Variants in ZNF560 observed in about 807,000 individuals in gnomAD.
ZNF560 encodes the protein zinc finger protein 560.
A neutral mutation model predicts 81.8 loss-of-function variants in ZNF560; 54 were observed. The ratio of observed to expected loss-of-function variants is 0.66; its 90% CI spans 0.53 to 0.83. The LOEUF is 0.83. ZNF560 is among the 40% of genes least tolerant of loss of function. ZNF560 has a pLI of 0.00. For missense variants in ZNF560, 940 were observed against 932.4 expected (o/e 1.01, Z -0.11); for synonymous variants, 321 against 317.9 (o/e 1.01, Z -0.10).
At chr19:9,499,597 A>G (rs2073615000), upstream of ZNF560, among the ~76,000 whole-genome samples, 1 of 152,194 alleles carries the variant, frequency 6.6e-6, no homozygotes, top group South Asian at 2.1e-4. Context: ...ATGAAATAAC[A>G]CTGATACCAG....
chr19:9,489,036 A>G (rs940046245), intron 2 of ZNF560, among the ~76,000 whole-genome samples: 1 of 152,224 alleles, frequency 6.6e-6, no homozygotes, highest in African/African-American at 2.4e-5. Flanking sequence ...CAGAGGCAGA[A>G]GTCACTATGC....
chr19:9,475,531 T>A (rs1267425008), intron 2 of ZNF560, among the ~76,000 whole-genome samples, 162 bp from the exon 3 acceptor site: 5 of 151,884 alleles, frequency 3.3e-5, no homozygotes, highest in Non-Finnish European at 7.4e-5. Flanking sequence ...CTGTCTAACC[T>A]AGAGCAAGAA....
rs1230047629 is a variant in ZNF560, at chr19:9,466,941, CA to C, written c.2005del (p.Cys669ValfsTer3). On this transcript the variant is annotated frameshift_variant, in exon 10 of 10. Transcript: ENST00000301480. LOFTEE classifies it high-confidence loss of function. ...AGTTTTTAAGTGTTGAGTTAGTACA[CA>C]AGACCTACTGTAAGCTTTTTCACAT... The part of the protein sequence containing the change: ...NACEKAYSRS[C>X]VLTQHLKTHA... The C allele has an allele frequency of 2.7e-5, 43 of 1,614,086 alleles. No individual in the cohort carries two copies. Among genetic ancestry groups the C allele is most frequent in the Non-Finnish European group, 3.6e-5 (42 of 1,180,018 alleles).
At chr19:9,460,771 G>A in the ZNF560 span, among the ~76,000 whole-genome samples, 1 of 152,122 alleles carries the variant, frequency 6.6e-6, no homozygotes. Flanking sequence ...AAACCTATTT[G>A]TAAACAGGAT....
At chr19:9,498,024 T>C (rs1229175149) in intron 2 of ZNF560, 104 bp downstream of exon 2, 1 of 152,146 alleles carries the variant, frequency 6.6e-6, no homozygotes, top group Non-Finnish European at 1.5e-5. Flanking sequence ...ATAAAAAATA[T>C]ACAGGTTTCA....
At chr19:9,449,687 G>C in the ZNF560 span, among the ~76,000 whole-genome samples, 5 of 152,148 alleles carry the variant, frequency 3.3e-5, no homozygotes, top group Non-Finnish European at 7.4e-5. Context: ...GAACTGAAAA[G>C]GCTGGGCACA....
chr19:9,498,737 T>A (rs1343954871), upstream of ZNF560: 1 of 152,302 alleles, frequency 6.6e-6, no homozygotes, highest in Non-Finnish European at 1.5e-5. Flanking sequence ...TGCGGAGGTA[T>A]CAAGGGGTCG....
upstream of ZNF560, among the ~76,000 whole-genome samples, chr19:9,499,280 T>TC (rs2073611108): frequency 6.6e-6 from 1 of 152,082 alleles, no homozygotes; most frequent in Admixed American, 6.6e-5. Context: ...GCTCAAGCCA[T>TC]CCTTCCACCT....
At chr19:9,482,076 A>G (rs1353169668) in intron 2 of ZNF560, among the ~76,000 whole-genome samples, 2 of 152,230 alleles carry the variant, frequency 1.3e-5, no homozygotes, top group African/African-American at 4.8e-5. Context: ...CATATACACA[A>G]TGGAATACTA....
chr19:9,468,571 A>T (rs1306296630), intron 9 of ZNF560, among the ~76,000 whole-genome samples: 3 of 152,200 alleles, frequency 2.0e-5, no homozygotes. Flanking sequence ...TTAAAAACTC[A>T]AATGTCTAGT....
chr19:9,500,321 G>A (rs1054405642), upstream of ZNF560, among the ~76,000 whole-genome samples: 1 of 145,342 alleles, frequency 6.9e-6, no homozygotes, highest in African/African-American at 2.5e-5. Context: ...GGAGGCGGAG[G>A]TTACGGAGTT....
At chr19:9,499,461 GGATTACAGGCGT>G (rs2073613315), upstream of ZNF560, among the ~76,000 whole-genome samples, 3 of 152,276 alleles carry the variant, frequency 2.0e-5, no homozygotes, top group East Asian at 3.9e-4. Flanking sequence ...TCCCGAAGTG[GGATTACAGGCGT>G]GAGCCATCAT....
At chr19:9,474,930 C>A (rs940200577) in intron 3 of ZNF560, among the ~76,000 whole-genome samples, 4 of 150,134 alleles carry the variant, frequency 2.7e-5, no homozygotes, top group African/African-American at 9.8e-5. Context: ...TTCTCAGCCT[C>A]CCAAAGTGCT....
Position 9,475,374 on chromosome 19 carries a change from A to G in ZNF560, c.-56-5T>C. On this transcript the variant is annotated splice_polypyrimidine_tract_variant and splice_region_variant and intron_variant, in intron 2 of 9. Coordinates refer to ENST00000301480, the MANE Select transcript of ZNF560 (RefSeq NM_152476.3). ...AGATTGGGTTCCTAGAAAGACCTGG[A>G]AAAGAAAGAAGGCATAAGAGCCCAG... 2.6e-6 allele frequency: 4 copies of G among 1,564,562 alleles called. No individual in the cohort carries two copies. In the South Asian group the frequency reaches 4.5e-5, roughly 18 times the overall value.
intron 2 of ZNF560, among the ~76,000 whole-genome samples, chr19:9,487,741 C>T (rs563481014): frequency 1.3e-5 from 2 of 152,242 alleles, no homozygotes; most frequent in South Asian, 4.2e-4. Flanking sequence ...AGGGGAGGGC[C>T]AACAGAAGAA....
chr19:9,478,213 T>C (rs1392225338), intron 2 of ZNF560, among the ~76,000 whole-genome samples: 1 of 152,140 alleles, frequency 6.6e-6, no homozygotes, highest in Admixed American at 6.5e-5. Context: ...CCAAAGACCT[T>C]ACAGGCCAGG....
At chr19:9,471,462 C>G in intron 5 of ZNF560, 84 bp from the exon 6 acceptor site, 3 of 837,586 alleles carry the variant, frequency 3.6e-6, no homozygotes, top group Non-Finnish European at 5.2e-6. Context: ...AGGCCTCATT[C>G]ATATTTGTTT....
chr19:9,460,488 T>A, the ZNF560 span, among the ~76,000 whole-genome samples: 1 of 152,144 alleles, frequency 6.6e-6, no homozygotes, highest in Non-Finnish European at 1.5e-5. Flanking sequence ...CCAGTGGAGG[T>A]ATACACTAAT....
chr19:9,490,952 A>C (rs1056050863), intron 2 of ZNF560, among the ~76,000 whole-genome samples: 23 of 152,236 alleles, frequency 1.5e-4, no homozygotes, highest in African/African-American at 5.5e-4. Flanking sequence ...AATAGTCTTC[A>C]GAGGTTTTGC....
Sources: allele counts gnomAD v4.1 joint callset (sites outside exome capture counted in the v4.1 genomes callset), GRCh38; gene constraint gnomAD v4.1.1; transcripts MANE v1.5; gene names NCBI Gene and HGNC (gene_info 2026-07-23, HGNC 2026-07-21).